ZNF554: variants seen among roughly 807,000 people sequenced by gnomAD.
ZNF554 encodes the protein zinc finger protein 554.
In ZNF554, 15 loss-of-function variants were observed where a neutral mutation model predicts 21.2. The observed-to-expected ratio is 0.71, with a 90% CI of 0.47 to 1.09. ZNF554 has a LOEUF of 1.09. Ranked by LOEUF, ZNF554 falls within the 50% of genes least tolerant of loss-of-function variation. ZNF554 has a pLI of 0.00. For synonymous variants in ZNF554, 258 were observed against 251.4 expected (o/e 1.03, Z -0.25); for missense variants, 691 against 662.7 (o/e 1.04, Z -0.47).
At position 2,821,205 on chromosome 19, in the gene ZNF554, G is replaced by A. The variant is rs145013367; in HGVS notation, c.53+1081G>A. On this transcript the variant is annotated intron_variant, in intron 1 of 4. Transcript: ENST00000317243. The surrounding 1 kb of genome is among the most constrained non-coding windows in gnomAD (Gnocchi z 8.2). ...GGGTTCAAGTGATTCTCCTGCCTCA[G>A]CCTCCCAAGTAGCTGGGATTACAGG... is the stretch of plus-strand genomic sequence containing the variant. Among the ~76,000 whole-genome samples the A allele has an allele frequency of 7.3e-5, 11 of 151,624 alleles. No individual in the cohort carries two copies. The highest frequency in any genetic ancestry group is 2.6e-4 in the Admixed American group (4 of 15,260).
Position 2,821,715 on chromosome 19 carries a change from G to A in ZNF554, c.54-1325G>A, listed in dbSNP as rs1042149373. Among the ~76,000 whole-genome samples the A allele has an allele frequency of 6.6e-6, 1 of 152,046 alleles. No individual in the cohort carries two copies. Among genetic ancestry groups the A allele is most frequent in the African/African-American group, 2.4e-5 (1 of 41,344 alleles). On this transcript the variant is annotated intron_variant, in intron 1 of 4. Coordinates refer to ENST00000317243, the MANE Select transcript of ZNF554 (RefSeq NM_001102651.2). This position sits in a 1 kb window ranked among gnomAD's most constrained non-coding sequence, Gnocchi z 8.2. ...TGGGGTCTCGGTCTGTCACCTGGCTGGAGTGCAGTGGCACGATCTCGGCTC... is the reference window on the plus strand; with the variant it reads ...TGGGGTCTCGGTCTGTCACCTGGCTAGAGTGCAGTGGCACGATCTCGGCTC...
rs1599542975 is a variant in ZNF554 at position 2,822,977 on chromosome 19, G to A, written c.54-63G>A. ...AGCAAATGGAGGTTCTCCAGGCCAA[G>A]GGCTCTGGGATCTGGGGACTGGCCT... On this transcript the variant is annotated intron_variant, in intron 1 of 4. Coordinates refer to ENST00000317243, the MANE Select transcript of ZNF554 (RefSeq NM_001102651.2). 3 of 1,546,040 alleles carry A rather than the reference G, an allele frequency of 1.9e-6. No homozygotes were observed. In the East Asian group the frequency reaches 6.8e-5, roughly 35 times the overall value.
chr19:2,823,731 G>A (rs150248412), intron 2 of ZNF554, among the ~76,000 whole-genome samples: 4 of 152,072 alleles, frequency 2.6e-5, no homozygotes, highest in Admixed American at 6.5e-5. Flanking sequence ...GCAGCTGGTC[G>A]TCCGGTCCCA....
In ZNF554 at chr19:2,832,350, C is replaced by G. The variant is rs1346324753; in HGVS notation, c.301C>G (p.Leu101Val). ...TGATGTGGGGATTAAAGAGGGTCCA[C>G]TTTCCCCAGCACAAACCTCACAAGT... ...CTDVGIKEGP[L>V]SPAQTSQVTS... The change falls in exon 4 of 5, where the codon CTT becomes GTT. Residue 101 changes from leucine (L) to valine (V), a missense_variant. Transcript: ENST00000317243. 1.2e-6 allele frequency: 2 copies of G among 1,612,938 alleles called. No individual in the cohort carries two copies. The highest frequency in any genetic ancestry group is 4.5e-5 in the East Asian group (2 of 44,892).
At position 2,821,262 on chromosome 19, in the gene ZNF554, T is replaced by A. The variant is rs554810516; in HGVS notation, c.53+1138T>A. ...CCACCCCGCCTGGCTAATTTTTATA[T>A]TTTTAGTAGATACAGAGTTTCTCCA... On this transcript the variant is annotated intron_variant, in intron 1 of 4. Coordinates refer to ENST00000317243, the MANE Select transcript of ZNF554 (RefSeq NM_001102651.2). This position sits in a 1 kb window ranked among gnomAD's most constrained non-coding sequence, Gnocchi z 8.2. Among the ~76,000 whole-genome samples the A allele has an allele frequency of 2.0e-5, 3 of 151,778 alleles. No homozygotes were observed. In the South Asian group the frequency reaches 6.2e-4, roughly 32 times the overall value.
chr19:2,833,670 A>G lies in ZNF554; in HGVS notation c.446-11A>G, dbSNP rs199806133. 37 of 1,510,552 alleles carry G rather than the reference A, an allele frequency of 2.4e-5. No homozygotes were observed. Among genetic ancestry groups the G allele is most frequent in the Non-Finnish European group, 3.2e-5 (36 of 1,130,822 alleles). The allele number at this position is 1,510,552 out of a possible 1,614,324, so 93.6% of individuals were successfully genotyped here. A position where few individuals can be genotyped will look rare whatever the true frequency, so the allele number is the denominator to read the frequency against. ...TTCTAAAAAAATGGTTTCCGCCTCA[A>G]TTTATTTCAGATTGGATGACTGTAC... On this transcript the variant is annotated splice_polypyrimidine_tract_variant and intron_variant, in intron 4 of 4. Transcript: ENST00000317243.
intron 2 of ZNF554, among the ~76,000 whole-genome samples, chr19:2,824,712 G>A (rs1288485447): frequency 6.7e-6 from 1 of 150,354 alleles, no homozygotes; most frequent in African/African-American, 2.4e-5. Context: ...TGAAACACAT[G>A]AAATACATAT....
rs1472598268 is a variant in ZNF554 at position 2,833,583 on chromosome 19, C to T, written c.446-98C>T. The T allele has an allele frequency of 3.9e-6, 4 of 1,025,404 alleles. No individual in the cohort carries two copies. In the East Asian group the frequency reaches 7.3e-5, roughly 19 times the overall value. The allele number at this position is 1,025,404 out of a possible 1,614,324, so 63.5% of individuals were successfully genotyped here. ...GAGTTGATATTTGAACATCAGTCCGCACAGGCCTTGTAGATGTCAGAAGGA... is the reference window on the plus strand; with the variant it reads ...GAGTTGATATTTGAACATCAGTCCGTACAGGCCTTGTAGATGTCAGAAGGA... On this transcript the variant is annotated intron_variant, in intron 4 of 4. Coordinates refer to ENST00000317243, the MANE Select transcript of ZNF554 (RefSeq NM_001102651.2).
At chr19:2,827,937 C>T (rs565537297) in intron 3 of ZNF554, among the ~76,000 whole-genome samples, 194 bp downstream of exon 3, 1 of 152,292 alleles carries the variant, frequency 6.6e-6, no homozygotes, top group East Asian at 1.9e-4. Flanking sequence ...AACAAAGTCA[C>T]ATCTTACGTG....
At chr19:2,824,840 T>A (rs2087308948) in intron 2 of ZNF554, among the ~76,000 whole-genome samples, 1 of 152,032 alleles carries the variant, frequency 6.6e-6, no homozygotes, top group African/African-American at 2.4e-5. Context: ...TCTGTCCCCA[T>A]GAGACACTCA....
intron 3 of ZNF554, 72 bp downstream of exon 3, chr19:2,827,815 T>G: frequency 1.3e-6 from 2 of 1,558,256 alleles, no homozygotes; most frequent in East Asian, 4.6e-5. Context: ...GTTCTCACAC[T>G]GCTAATAAAG....
At chr19:2,828,496 C>G (rs1297922155) in intron 3 of ZNF554, among the ~76,000 whole-genome samples, 1 of 152,072 alleles carries the variant, frequency 6.6e-6, no homozygotes, top group East Asian at 1.9e-4. Flanking sequence ...CAAGACCAGC[C>G]TGGCCACTGT....
chr19:2,834,269 T>C lies in ZNF554; in HGVS notation c.1034T>C (p.Ile345Thr). The C allele has an allele frequency of 6.2e-7, 1 of 1,614,086 alleles. No homozygotes were observed. The highest frequency in any genetic ancestry group is 8.5e-7 in the Non-Finnish European group (1 of 1,180,042). ...RRHSLSEHQR[I>T]HTGEKPYECQ... ...CATTCTTTGAGCGAACATCAAAGAA[T>C]TCACACGGGGGAGAAACCCTACGAG... Residue 345 changes from isoleucine to threonine, a missense_variant, in exon 5 of 5, where the codon ATT becomes ACT. Ile to Thr is a moderately conservative substitution (Grantham distance 89). Transcript: ENST00000317243.
chr19:2,820,523 TG>T (rs1161006764), intron 1 of ZNF554, among the ~76,000 whole-genome samples: 8 of 151,946 alleles, frequency 5.3e-5, no homozygotes, highest in Non-Finnish European at 5.9e-5. Context: ...TTGTCATAAC[TG>T]GGGGCAGTTC....
chr19:2,827,174 G>T (rs1375960227), intron 2 of ZNF554, among the ~76,000 whole-genome samples: 1 of 152,170 alleles, frequency 6.6e-6, no homozygotes, highest in African/African-American at 2.4e-5. Flanking sequence ...ACACACTTTG[G>T]ATAAAATTCT....
chr19:2,821,451 T>G lies in ZNF554; in HGVS notation c.53+1327T>G, dbSNP rs1344279005. Among the ~76,000 whole-genome samples, 5 of 151,896 alleles carry G rather than the reference T, an allele frequency of 3.3e-5. No individual in the cohort carries two copies. In the East Asian group the frequency reaches 9.7e-4, roughly 29 times the overall value. ...CAGGGGGCAGGGGGAGGCTTGAAAT[T>G]TATTCTCTCACAAGTCTGGAGGCCA... On this transcript the variant is annotated intron_variant, in intron 1 of 4. Transcript: ENST00000317243. This position sits in a 1 kb window ranked among gnomAD's most constrained non-coding sequence, Gnocchi z 8.2.
At chr19:2,820,700 T>TTTTTTTTTTTTTTTTTTTTTTA (rs2087251457) in intron 1 of ZNF554, among the ~76,000 whole-genome samples, 1 of 149,818 alleles carries the variant, frequency 6.7e-6, no homozygotes, top group African/African-American at 2.5e-5. Context: ...TTTTTTTTTT[T>TTTTTTTTTTTTTTTTTTTTTTA]GAGACGGAGT....
At chr19:2,830,340 T>C (rs144514444) in intron 3 of ZNF554, among the ~76,000 whole-genome samples, 17 of 152,338 alleles carry the variant, frequency 1.1e-4, no homozygotes, top group African/African-American at 3.6e-4. Flanking sequence ...CCTGTGTCAG[T>C]GCTTTGTTCA....
chr19:2,825,737 GT>G (rs949943189), intron 2 of ZNF554, among the ~76,000 whole-genome samples: 5 of 149,278 alleles, frequency 3.3e-5, no homozygotes, highest in East Asian at 3.9e-4. Context: ...GGAAGAGTTT[GT>G]TTTTTTTTTC....
Sources: allele counts gnomAD v4.1 joint callset (sites outside exome capture counted in the v4.1 genomes callset), GRCh38; gene constraint gnomAD v4.1.1; non-coding constraint Gnocchi (gnomAD v3.1); transcripts MANE v1.5; gene names NCBI Gene and HGNC (gene_info 2026-07-23, HGNC 2026-07-21).